Variants in PTPRD observed in about 807,000 individuals in gnomAD.
The protein encoded by PTPRD is receptor-type tyrosine-protein phosphatase delta.
PTPRD carries 34 observed loss-of-function variants against 214.5 expected under a neutral mutation model. The ratio of observed to expected loss-of-function variants is 0.16; its 90% CI spans 0.12 to 0.21. The LOEUF (loss-of-function observed/expected upper bound fraction) is 0.21, where lower values mean the gene tolerates loss of function less well. Ranked by LOEUF, PTPRD falls within the 10% of genes least tolerant of loss-of-function variation. The pLI, the probability that PTPRD is intolerant of heterozygous loss-of-function variation, is 1.00. For synonymous variants in PTPRD, 1,128 were observed against 845.7 expected (o/e 1.33, Z -5.79); for missense variants, 2,545 against 2,398.7 (o/e 1.06, Z -1.27).
At chr9:9,462,804 T>A (rs2093779617) in intron 8 of PTPRD, among the ~76,000 whole-genome samples, 2 of 152,118 alleles carry the variant, frequency 1.3e-5, no homozygotes, top group Non-Finnish European at 2.9e-5. Context: ...AGATGGAAAT[T>A]TTGGTGGGAT....
At chr9:10,377,447 C>A (rs10809080) in intron 2 of PTPRD, among the ~76,000 whole-genome samples, 13,753 of 151,786 alleles carry the variant, frequency 0.091, 1,556 homozygotes, top group East Asian at 0.55. Flanking sequence ...CCTCTCCCCC[C>A]ACCCCACAAC....
At chr9:9,244,256 T>C (rs965178052) in intron 9 of PTPRD, among the ~76,000 whole-genome samples, 2 of 152,106 alleles carry the variant, frequency 1.3e-5, no homozygotes, top group Admixed American at 1.3e-4. Flanking sequence ...TAGCTACCAA[T>C]GACTTTCTTC....
chr9:9,070,500 G>A (rs1270503378), intron 10 of PTPRD, among the ~76,000 whole-genome samples: 2 of 152,074 alleles, frequency 1.3e-5, no homozygotes, highest in Admixed American at 1.3e-4. Flanking sequence ...TATGCCTGAA[G>A]TTGAAAATCA....
chr9:9,676,218 C>T (rs572571527), intron 7 of PTPRD, among the ~76,000 whole-genome samples: 18 of 151,648 alleles, frequency 1.2e-4, no homozygotes, highest in East Asian at 3.9e-4. Flanking sequence ...GTTGGTGTGC[C>T]GCACCCAGTA....
chr9:9,117,033 C>T (rs2099813033), intron 10 of PTPRD, among the ~76,000 whole-genome samples: 1 of 151,978 alleles, frequency 6.6e-6, no homozygotes, highest in Non-Finnish European at 1.5e-5. Context: ...AGAAACAGGA[C>T]AGATACAGGC....
intron 3 of PTPRD, among the ~76,000 whole-genome samples, chr9:10,168,453 T>C (rs1256677008): frequency 6.6e-6 from 1 of 152,228 alleles, no homozygotes; most frequent in East Asian, 1.9e-4. Flanking sequence ...GAATCAGCCA[T>C]GTCCTTTGTG....
intron 12 of PTPRD, among the ~76,000 whole-genome samples, chr9:8,707,760 T>C (rs1597540298): frequency 6.6e-6 from 1 of 152,340 alleles, no homozygotes. Context: ...TAATCTATTA[T>C]TGTCTACAAT....
intron 8 of PTPRD, among the ~76,000 whole-genome samples, chr9:9,445,152 A>G (rs1208425262): frequency 6.6e-6 from 1 of 152,206 alleles, no homozygotes; most frequent in Non-Finnish European, 1.5e-5. Context: ...GTTTTAAACT[A>G]GAGATTATTC....
At chr9:9,728,477 G>T (rs2098130856) in intron 7 of PTPRD, among the ~76,000 whole-genome samples, 1 of 152,134 alleles carries the variant, frequency 6.6e-6, no homozygotes, top group African/African-American at 2.4e-5. Flanking sequence ...ATGCTAGTTG[G>T]CATGTTGGTG....
At chr9:10,486,763 G>A (rs1370217932) in intron 2 of PTPRD, among the ~76,000 whole-genome samples, 1 of 152,134 alleles carries the variant, frequency 6.6e-6, no homozygotes, top group Non-Finnish European at 1.5e-5. Context: ...GCTGAGGGGA[G>A]GAATGTGTAT....
intron 2 of PTPRD, among the ~76,000 whole-genome samples, chr9:10,514,008 C>T (rs1452361202): frequency 6.6e-6 from 1 of 152,054 alleles, no homozygotes; most frequent in African/African-American, 2.4e-5. Context: ...CTTACTGTTC[C>T]CTTATGTGTA....
At chr9:9,471,196 A>C (rs2094562694) in intron 8 of PTPRD, among the ~76,000 whole-genome samples, 1 of 152,208 alleles carries the variant, frequency 6.6e-6, no homozygotes, top group South Asian at 2.1e-4. Context: ...TCACAATTTG[A>C]CTACATTTGT....
At chr9:10,298,767 A>G (rs1047163722) in intron 3 of PTPRD, among the ~76,000 whole-genome samples, 4 of 152,074 alleles carry the variant, frequency 2.6e-5, no homozygotes, top group Non-Finnish European at 4.4e-5. Flanking sequence ...AATAATAATT[A>G]TTATTGTCAC....
intron 9 of PTPRD, among the ~76,000 whole-genome samples, chr9:9,387,726 A>G (rs190296142): frequency 2.0e-5 from 3 of 152,236 alleles, no homozygotes; most frequent in Admixed American, 1.3e-4. Context: ...CTCAGGGCCT[A>G]TGGGATGGGG....
intron 5 of PTPRD, among the ~76,000 whole-genome samples, chr9:9,838,336 A>G (rs577914968): frequency 6.6e-6 from 1 of 152,054 alleles, no homozygotes. Flanking sequence ...TCCCTGAGGA[A>G]TCGCCACACT....
Position 8,491,970 on chromosome 9 carries a change from T to C in PTPRD, c.2467+892A>G, listed in dbSNP as rs969810695. The stretch of plus-strand genomic sequence containing the variant: ...ATATGAGGATTGAGGAGAATCCTTC[T>C]GCAATTATCTCTTAATTTACTCATT... On this transcript the variant is annotated intron_variant, in intron 27 of 45. Transcript: ENST00000381196. Among the ~76,000 whole-genome samples the C allele has an allele frequency of 2.4e-4, 37 of 152,202 alleles. 1 individual carries two copies. The highest frequency in any genetic ancestry group is 2.1e-3 in the Admixed American group (32 of 15,278).
chr9:9,086,962 T>C (rs998738413), intron 10 of PTPRD, among the ~76,000 whole-genome samples: 4 of 151,948 alleles, frequency 2.6e-5, no homozygotes, highest in Non-Finnish European at 5.9e-5. Flanking sequence ...AAAAGAGAAA[T>C]AATGAAAAAC....
chr9:9,357,418 CA>C (rs2054219566), intron 9 of PTPRD, among the ~76,000 whole-genome samples: 1 of 149,716 alleles, frequency 6.7e-6, no homozygotes, highest in Non-Finnish European at 1.5e-5. Flanking sequence ...CCTTTTGTCA[CA>C]TGGAGGATGA....
At chr9:9,823,928 T>G (rs1463237371) in intron 5 of PTPRD, among the ~76,000 whole-genome samples, 1 of 152,074 alleles carries the variant, frequency 6.6e-6, no homozygotes, top group African/African-American at 2.4e-5. Flanking sequence ...CTCAATTATG[T>G]TGATTTGATC....
Sources: gnomAD v4.1 joint callset for allele counts (sites outside exome capture counted in the v4.1 genomes callset) on GRCh38, gnomAD v4.1.1 for gene constraint, MANE v1.5 for transcripts, NCBI Gene and HGNC (gene_info 2026-07-23, HGNC 2026-07-21) for gene names.